The following SVOPL variants were observed in gnomAD, a reference collection of about 807,000 sequenced individuals.
SVOPL encodes the protein SVOP like, also known as putative transporter SVOPL.
A neutral mutation model predicts 61.0 loss-of-function variants in SVOPL; 60 were observed. That is an observed-to-expected ratio of 0.98 (90% CI 0.80 to 1.22). SVOPL has a LOEUF of 1.22. SVOPL is among the 50% of genes most tolerant of loss of function. The probability of loss-of-function intolerance (pLI) is 0.00; values close to 1 mark genes in which losing one functional copy is unlikely to be tolerated. For missense variants in SVOPL, 662 were observed against 643.9 expected (o/e 1.03, Z -0.30); for synonymous variants, 279 against 250.0 (o/e 1.12, Z -1.09).
At chr7:138,644,197 CAAAAAAAAAAAAAAA>C (rs71179714) in intron 9 of SVOPL, among the ~76,000 whole-genome samples, 10 of 50,410 alleles carry the variant, frequency 2.0e-4, no homozygotes, top group East Asian at 1.5e-3. Flanking sequence ...AAGACTCCAT[CAAAAAAAAAAAAAAA>C]AAAAAAAAAA....
intron 7 of SVOPL, among the ~76,000 whole-genome samples, chr7:138,651,924 G>T (rs1801458066): frequency 1.3e-5 from 2 of 152,166 alleles, no homozygotes; most frequent in Non-Finnish European, 1.5e-5. Flanking sequence ...TACCGAGACA[G>T]GGTCTCGCTC....
At chr7:138,685,447 G>A (rs1802786263) in intron 1 of SVOPL, among the ~76,000 whole-genome samples, 1 of 152,108 alleles carries the variant, frequency 6.6e-6, no homozygotes, top group South Asian at 2.1e-4. Flanking sequence ...GGGGAAGGGG[G>A]AACAGGGAAG....
chr7:138,655,060 C>T (rs368257172), intron 7 of SVOPL, among the ~76,000 whole-genome samples: 19 of 151,610 alleles, frequency 1.3e-4, no homozygotes, highest in South Asian at 6.3e-4. Flanking sequence ...CGTAGTGATG[C>T]GCACCTGTAA....
In SVOPL at chr7:138,627,337, A is replaced by C. The variant is rs374073300; in HGVS notation, c.1181+13T>G. 6.3e-7 allele frequency: 1 copy of C among 1,596,598 alleles called. No homozygotes were observed. The highest frequency in any genetic ancestry group is 1.7e-4 in the Middle Eastern group (1 of 6,038). ...CCACTGCACAAAATCTGAAGCAATT[A>C]AACAGAAAATACCTTGAAGTGCAAA... On this transcript the variant is annotated intron_variant, in intron 12 of 15. Coordinates refer to ENST00000674285, the MANE Select transcript of SVOPL (RefSeq NM_001139456.2).
chr7:138,698,516 A>C (rs1456736249), intron 1 of SVOPL, among the ~76,000 whole-genome samples: 1 of 152,206 alleles, frequency 6.6e-6, no homozygotes, highest in Non-Finnish European at 1.5e-5. Flanking sequence ...TCTGGCCAGC[A>C]TAAGACAGGA....
chr7:138,603,039 A>T (rs1798597023), intron 14 of SVOPL, among the ~76,000 whole-genome samples: 1 of 152,146 alleles, frequency 6.6e-6, no homozygotes, highest in Admixed American at 6.5e-5. Flanking sequence ...TATATAAAAC[A>T]CACATCTATA....
chr7:138,671,887 G>A lies in SVOPL; in HGVS notation c.273+132C>T, dbSNP rs1802427034. ...AAAGGTGACGAAGACATCAAATGCTGCAAACCCTTGAGTTTTGGAAGCCAA... is the reference window on the plus strand; with the variant it reads ...AAAGGTGACGAAGACATCAAATGCTACAAACCCTTGAGTTTTGGAAGCCAA... On this transcript the variant is annotated intron_variant, in intron 4 of 15. Transcript: ENST00000674285. 10 of 734,584 alleles carry A rather than the reference G, an allele frequency of 1.4e-5. No individual in the cohort carries two copies. The South Asian group carries it at 1.6e-4, about 12-fold the overall frequency. The allele number at this position is 734,584 out of a possible 1,614,324, so 45.5% of individuals were successfully genotyped here. A position where few individuals can be genotyped will look rare whatever the true frequency, so the allele number is the denominator to read the frequency against.
Position 138,636,713 on chromosome 7 carries a change from C to T in SVOPL, c.790-6591G>A, listed in dbSNP as rs949797009. ...CTCGAACTCTTGGCCTCAGGTGACC[C>T]ACCCACCTCGGCCTCCCAAAGTACT... On this transcript the variant is annotated intron_variant, in intron 9 of 15. Coordinates refer to ENST00000674285, the MANE Select transcript of SVOPL (RefSeq NM_001139456.2). Among the ~76,000 whole-genome samples the T allele has an allele frequency of 3.9e-5, 6 of 152,210 alleles. No individual in the cohort carries two copies. In the South Asian group the frequency reaches 1.0e-3, roughly 26 times the overall value.
At chr7:138,659,238 T>A (rs1158785374) in intron 6 of SVOPL, among the ~76,000 whole-genome samples, 1 of 152,100 alleles carries the variant, frequency 6.6e-6, no homozygotes, top group Non-Finnish European at 1.5e-5. Flanking sequence ...ACACCTATAA[T>A]CCTAGCACTT....
At chr7:138,631,694 G>A (rs1050719158) in intron 9 of SVOPL, among the ~76,000 whole-genome samples, 3 of 152,070 alleles carry the variant, frequency 2.0e-5, no homozygotes, top group Non-Finnish European at 2.9e-5. Flanking sequence ...TCGGCTTCCC[G>A]AGTAGCTGGG....
chr7:138,630,191 T>G (rs1159418183), intron 9 of SVOPL, 69 bp from the exon 10 acceptor site: 21 of 1,322,508 alleles, frequency 1.6e-5, no homozygotes, highest in African/African-American at 5.8e-5. Context: ...TTCCACTGTT[T>G]TCGATCATAG....
chr7:138,628,666 T>C (rs1800014680), intron 10 of SVOPL, among the ~76,000 whole-genome samples: 1 of 152,222 alleles, frequency 6.6e-6, no homozygotes, highest in South Asian at 2.1e-4. Context: ...GTCAGCTGTG[T>C]ATGAAAGTTC....
At chr7:138,685,748 T>A (rs1442718679) in intron 1 of SVOPL, among the ~76,000 whole-genome samples, 2 of 151,956 alleles carry the variant, frequency 1.3e-5, no homozygotes, top group Non-Finnish European at 2.9e-5. Context: ...GGTGGGCACC[T>A]GTAATCCCAG....
At chr7:138,603,106 A>G (rs1198288402) in intron 14 of SVOPL, among the ~76,000 whole-genome samples, 1 of 152,222 alleles carries the variant, frequency 6.6e-6, no homozygotes, top group Non-Finnish European at 1.5e-5. Flanking sequence ...AGACATGCCC[A>G]GAGAGACAAA....
At chr7:138,645,429 A>G (rs1009327549) in intron 8 of SVOPL, among the ~76,000 whole-genome samples, 5 of 152,266 alleles carry the variant, frequency 3.3e-5, no homozygotes, top group South Asian at 2.1e-4. Flanking sequence ...TCTTCCTCAG[A>G]AAAGCACCTC....
rs10624737 is a variant in SVOPL at position 138,629,153 on chromosome 7, G to GTGTGTATA, written c.864-791_864-790insTATACACA. Among the ~76,000 whole-genome samples, 428 of 147,362 alleles carry GTGTGTATA rather than the reference G, an allele frequency of 2.9e-3. 1 individual carries two copies. The highest frequency in any genetic ancestry group is 8.4e-3 in the African/African-American group (329 of 39,370). Reference sequence around the variant, plus strand: ...TGTGTGTGTGTGTGTGTGTGTGTGTGTATATATGTATATATAATTTGCTGG... The same window carrying GTGTGTATA: ...TGTGTGTGTGTGTGTGTGTGTGTGTGTGTGTATATATATATGTATATATAATTTGCTGG... On this transcript the variant is annotated intron_variant, in intron 10 of 15. Coordinates refer to ENST00000674285, the MANE Select transcript of SVOPL (RefSeq NM_001139456.2).
At chr7:138,645,428 GA>G (rs1211356385) in intron 8 of SVOPL, among the ~76,000 whole-genome samples, 2 of 152,148 alleles carry the variant, frequency 1.3e-5, no homozygotes, top group Non-Finnish European at 2.9e-5. Context: ...CTCTTCCTCA[GA>G]AAAGCACCTC....
chr7:138,641,860 T>C lies in SVOPL; in HGVS notation c.789+2857A>G, dbSNP rs544081022. Among the ~76,000 whole-genome samples the C allele has an allele frequency of 3.5e-4, 36 of 102,908 alleles. No individual in the cohort carries two copies. In the South Asian group the frequency reaches 0.014, roughly 40 times the overall value. 67.5% of individuals were successfully genotyped at this position (102,908 alleles called of 152,430 possible). A position where few individuals can be genotyped will look rare whatever the true frequency, so the allele number is the denominator to read the frequency against. On this transcript the variant is annotated intron_variant, in intron 9 of 15. Transcript: ENST00000674285. ...ACATATATATATAACATATATATAGTCAATGAGTGTGTATGTATATATAGT... is the reference window on the plus strand; with the variant it reads ...ACATATATATATAACATATATATAGCCAATGAGTGTGTATGTATATATAGT...
intron 9 of SVOPL, among the ~76,000 whole-genome samples, chr7:138,637,433 TATATATATAGATAGATAGATAG>T (rs1450253521): frequency 0.13 from 6,594 of 50,876 alleles, 435 homozygotes; most frequent in African/African-American, 0.32. Context: ...ATCTCATATA[TATATATATAGATAGATAGATAG>T]ATATATATAT....
Sources: allele counts gnomAD v4.1 joint callset (sites outside exome capture counted in the v4.1 genomes callset), GRCh38; gene constraint gnomAD v4.1.1; transcripts MANE v1.5; gene names NCBI Gene and HGNC (gene_info 2026-07-23, HGNC 2026-07-21).